The following LINGO2 variants were observed in gnomAD, a reference collection of about 807,000 sequenced individuals.
LINGO2 encodes leucine-rich repeat and immunoglobulin-like domain-containing nogo receptor-interacting protein 2.
LINGO2 carries 14 observed loss-of-function variants against 30.6 expected under a neutral mutation model. That is an observed-to-expected ratio of 0.46 (90% CI 0.30 to 0.72). The LOEUF (loss-of-function observed/expected upper bound fraction) is 0.72. LINGO2 is among the 30% of genes least tolerant of loss of function. The pLI, the probability that LINGO2 is intolerant of heterozygous loss-of-function variation, is 0.07. For missense variants in LINGO2, 729 were observed against 751.7 expected (o/e 0.97, Z 0.35); for synonymous variants, 317 against 288.5 (o/e 1.10, Z -1.00).
At chr9:28,765,707 C>G in the LINGO2 span, among the ~76,000 whole-genome samples, 1 of 152,004 alleles carries the variant, frequency 6.6e-6, no homozygotes, top group Non-Finnish European at 1.5e-5. Flanking sequence ...AGAAGCTGCA[C>G]AGATGTCAAC....
chr9:29,020,294 T>C, the LINGO2 span, among the ~76,000 whole-genome samples: 6 of 152,316 alleles, frequency 3.9e-5, no homozygotes, highest in East Asian at 1.2e-3. Context: ...CCAAACACGA[T>C]ATACCACATA....
rs182899700 is a variant in LINGO2, at chr9:28,178,896, C to T, written c.-87+116312G>A. ...TATTAGCTTCTTTCTAAGTGGGAAACGATACGCACTCCATTTTCAATTTTT... is the reference window on the plus strand; with the variant it reads ...TATTAGCTTCTTTCTAAGTGGGAAATGATACGCACTCCATTTTCAATTTTT... On this transcript the variant is annotated intron_variant, in intron 4 of 5. Coordinates refer to ENST00000379992, the Ensembl canonical transcript of LINGO2. Among the ~76,000 whole-genome samples, 325 of 152,124 alleles carry T rather than the reference C, an allele frequency of 2.1e-3. 4 individuals carry two copies. Among genetic ancestry groups the T allele is most frequent in the African/African-American group, 7.2e-3 (299 of 41,528 alleles).
At chr9:28,059,391 A>G (rs1825070630) in intron 4 of LINGO2, among the ~76,000 whole-genome samples, 1 of 151,894 alleles carries the variant, frequency 6.6e-6, no homozygotes, top group African/African-American at 2.4e-5. Flanking sequence ...TGTTTCTCGA[A>G]CTGTCTTTTT....
the LINGO2 span, among the ~76,000 whole-genome samples, chr9:28,944,405 T>C: frequency 6.6e-6 from 1 of 152,122 alleles, no homozygotes; most frequent in East Asian, 1.9e-4. Context: ...GCTTTTGGGT[T>C]TTTGTTTGTT....
At chr9:29,069,284 T>C in the LINGO2 span, among the ~76,000 whole-genome samples, 2 of 151,956 alleles carry the variant, frequency 1.3e-5, no homozygotes, top group African/African-American at 2.4e-5. Context: ...ATAAGAACCC[T>C]CTCATGACGG....
the LINGO2 span, among the ~76,000 whole-genome samples, chr9:29,066,318 C>T: frequency 1.3e-4 from 20 of 152,002 alleles, no homozygotes; most frequent in African/African-American, 4.6e-4. Context: ...ATTCTATTCC[C>T]TGTACTAAAC....
intron 5 of LINGO2, among the ~76,000 whole-genome samples, chr9:27,975,196 C>A (rs1587588716): frequency 6.6e-6 from 1 of 152,014 alleles, no homozygotes; most frequent in Admixed American, 6.6e-5. Flanking sequence ...TTTTTGGTTA[C>A]TGGCAAGAAT....
the LINGO2 span, among the ~76,000 whole-genome samples, chr9:28,846,019 C>T: frequency 1.2e-3 from 181 of 151,042 alleles, 6 homozygotes; most frequent in African/African-American, 4.2e-3. Context: ...CACACACACA[C>T]GCAGGCACAC....
At chr9:28,064,600 CTTAA>C (rs1279791308) in intron 4 of LINGO2, among the ~76,000 whole-genome samples, 42 of 152,268 alleles carry the variant, frequency 2.8e-4, no homozygotes, top group African/African-American at 9.4e-4. Flanking sequence ...ACCTCATCCA[CTTAA>C]TTAACCCCTG....
At chr9:28,202,499 A>T (rs947197063) in intron 4 of LINGO2, among the ~76,000 whole-genome samples, 3 of 152,140 alleles carry the variant, frequency 2.0e-5, no homozygotes, top group African/African-American at 4.8e-5. Context: ...AAAGCTCACT[A>T]ATTAGTTTTT....
the LINGO2 span, among the ~76,000 whole-genome samples, chr9:29,029,170 G>A: frequency 6.6e-6 from 1 of 152,064 alleles, no homozygotes; most frequent in African/African-American, 2.4e-5. Context: ...ATCTTTGAAC[G>A]CCAAACTCCT....
At chr9:27,988,667 C>A (rs1326581369) in intron 5 of LINGO2, among the ~76,000 whole-genome samples, 2 of 151,884 alleles carry the variant, frequency 1.3e-5, no homozygotes, top group Non-Finnish European at 1.5e-5. Context: ...CTGTTCATAT[C>A]CTTTGCCCAC....
At chr9:28,539,513 C>A (rs1245337248) in intron 1 of LINGO2, among the ~76,000 whole-genome samples, 2 of 150,934 alleles carry the variant, frequency 1.3e-5, no homozygotes, top group African/African-American at 4.9e-5. Context: ...AAAAAAAAAA[C>A]AAGGCAAACA....
chr9:29,198,404 G>T, the LINGO2 span, among the ~76,000 whole-genome samples: 1 of 152,136 alleles, frequency 6.6e-6, no homozygotes, highest in African/African-American at 2.4e-5. Context: ...GGGAGCAGGG[G>T]TGGGAAATTG....
At chr9:29,107,915 AC>A in the LINGO2 span, among the ~76,000 whole-genome samples, 63 of 151,380 alleles carry the variant, frequency 4.2e-4, no homozygotes, top group East Asian at 4.7e-3. Flanking sequence ...TAAAAAAAAA[AC>A]AAACCAAAAT....
the LINGO2 span, among the ~76,000 whole-genome samples, chr9:29,118,211 A>T: frequency 6.6e-6 from 1 of 152,142 alleles, no homozygotes; most frequent in African/African-American, 2.4e-5. Context: ...TTTTGCATTC[A>T]TTCATCACTA....
chr9:28,055,032 C>CAA (rs138401598), intron 4 of LINGO2, among the ~76,000 whole-genome samples: 14 of 151,658 alleles, frequency 9.2e-5, no homozygotes, highest in South Asian at 4.1e-4. Flanking sequence ...CACAAACTTG[C>CAA]AAAAAAAATA....
chr9:28,432,313 T>G (rs944327905), intron 2 of LINGO2, among the ~76,000 whole-genome samples: 5 of 152,012 alleles, frequency 3.3e-5, no homozygotes, highest in African/African-American at 1.2e-4. Flanking sequence ...ATTTTGACAC[T>G]AAAAGACACT....
At chr9:28,895,933 T>A in the LINGO2 span, among the ~76,000 whole-genome samples, 1 of 152,106 alleles carries the variant, frequency 6.6e-6, no homozygotes, top group Non-Finnish European at 1.5e-5. Context: ...TATCCCCATT[T>A]TAGGAAAAAT....
Sources: gnomAD v4.1 joint callset for allele counts (sites outside exome capture counted in the v4.1 genomes callset) on GRCh38, gnomAD v4.1.1 for gene constraint, MANE v1.5 for transcripts, NCBI Gene and HGNC (gene_info 2026-07-23, HGNC 2026-07-21) for gene names.